IQSEC1: variants seen among roughly 807,000 people sequenced by gnomAD.
The protein encoded by IQSEC1 is IQ motif and SEC7 domain-containing protein 1.
A neutral mutation model predicts 91.0 loss-of-function variants in IQSEC1; 31 were observed. That is an observed-to-expected ratio of 0.34 (90% confidence interval 0.26 to 0.46). The LOEUF (loss-of-function observed/expected upper bound fraction) is 0.46, where lower values mean the gene tolerates loss of function less well. Ranked by LOEUF, IQSEC1 falls within the 20% of genes least tolerant of loss-of-function variation. IQSEC1 has a pLI of 1.00. For missense variants in IQSEC1, 1,388 were observed against 1,575.6 expected (o/e 0.88, Z 2.02); for synonymous variants, 699 against 662.6 (o/e 1.05, Z -0.84).
chr3:13,250,122 T>G (rs1481118057), intron 1 of IQSEC1, among the ~76,000 whole-genome samples: 1 of 152,224 alleles, frequency 6.6e-6, no homozygotes, highest in African/African-American at 2.4e-5. Context: ...CATAACCTTC[T>G]TAGCCTTTCT....
intron 1 of IQSEC1, among the ~76,000 whole-genome samples, chr3:12,963,213 T>G (rs539333397): frequency 6.6e-6 from 1 of 152,384 alleles, no homozygotes; most frequent in Admixed American, 6.5e-5. Flanking sequence ...GCTATGGTTC[T>G]CCATCGGGAC....
intron 1 of IQSEC1, among the ~76,000 whole-genome samples, chr3:12,976,179 C>G (rs771768624): frequency 2.0e-5 from 3 of 152,252 alleles, no homozygotes; most frequent in Non-Finnish European, 4.4e-5. Context: ...CACCACTCCC[C>G]GCTCCCTTTG....
chr3:13,226,305 T>C (rs1042027925), intron 1 of IQSEC1, among the ~76,000 whole-genome samples: 1 of 152,250 alleles, frequency 6.6e-6, no homozygotes, highest in Non-Finnish European at 1.5e-5. Flanking sequence ...CCTGTGTTAG[T>C]TACCTAATCT....
At chr3:13,266,091 G>A (rs1455867938) in intron 1 of IQSEC1, among the ~76,000 whole-genome samples, 1 of 151,644 alleles carries the variant, frequency 6.6e-6, no homozygotes. Flanking sequence ...CCACACCCCC[G>A]GCACTGGCTA....
rs187013920 is a variant in IQSEC1, at chr3:12,922,341, C to A, written c.1731-99G>T. The A allele has an allele frequency of 1.4e-6, 2 of 1,384,874 alleles. No individual in the cohort carries two copies. Among genetic ancestry groups the A allele is most frequent in the South Asian group, 1.6e-5 (1 of 62,208 alleles). 85.8% of individuals were successfully genotyped at this position (1,384,874 alleles called of 1,614,324 possible). A position where few individuals can be genotyped will look rare whatever the true frequency, so the allele number is the denominator to read the frequency against. On this transcript the variant is annotated intron_variant, in intron 4 of 13. Transcript: ENST00000613206. This position sits in a 1 kb window ranked among gnomAD's most constrained non-coding sequence, Gnocchi z 5.1. ...GGTGCCTGAAGCCCTGGGAATGGAC[C>A]GCCTCCTGGCAGGGAGAGCCCCTGC... is the stretch of plus-strand genomic sequence containing the variant.
At chr3:13,194,639 C>T (rs2125039820) in intron 1 of IQSEC1, among the ~76,000 whole-genome samples, 1 of 152,276 alleles carries the variant, frequency 6.6e-6, no homozygotes, top group East Asian at 1.9e-4. Flanking sequence ...GGGTGCCCAC[C>T]CAGAAACCCC....
At chr3:13,190,370 G>A (rs1051226521) in intron 1 of IQSEC1, among the ~76,000 whole-genome samples, 1 of 152,064 alleles carries the variant, frequency 6.6e-6, no homozygotes, top group Non-Finnish European at 1.5e-5. Context: ...CCAGGGGTTC[G>A]AGACTGGGTT....
At chr3:13,072,841 G>A in intron 1 of IQSEC1, 151 bp downstream of exon 1, 2 of 667,326 alleles carry the variant, frequency 3.0e-6, no homozygotes, top group Admixed American at 2.4e-5. Context: ...GGGGCCGAGC[G>A]CCGGCATCCC....
chr3:13,176,039 A>G (rs1327040018), intron 1 of IQSEC1, among the ~76,000 whole-genome samples: 2 of 152,246 alleles, frequency 1.3e-5, no homozygotes, highest in Non-Finnish European at 2.9e-5. Flanking sequence ...TGGTTGGGTC[A>G]TGATAGACAT....
chr3:13,058,163 C>A (rs1704940446), intron 1 of IQSEC1, among the ~76,000 whole-genome samples: 1 of 152,184 alleles, frequency 6.6e-6, no homozygotes, highest in Non-Finnish European at 1.5e-5. Flanking sequence ...ATCCCAGCAA[C>A]TCAGGAGGCT....
At chr3:13,119,271 C>T (rs1011313150) in intron 2 of IQSEC1, among the ~76,000 whole-genome samples, 1 of 152,160 alleles carries the variant, frequency 6.6e-6, no homozygotes, top group Non-Finnish European at 1.5e-5. Flanking sequence ...AGGAAATTGT[C>T]TCTCCAACTC....
intron 2 of IQSEC1, among the ~76,000 whole-genome samples, chr3:13,099,833 G>A (rs1405289430): frequency 6.7e-6 from 1 of 150,058 alleles, no homozygotes; most frequent in Non-Finnish European, 1.5e-5. Context: ...GGGGGCAGTT[G>A]CACCTCAGCA....
At chr3:13,190,172 C>T (rs549739976) in intron 1 of IQSEC1, among the ~76,000 whole-genome samples, 40 of 152,326 alleles carry the variant, frequency 2.6e-4, no homozygotes, top group African/African-American at 8.7e-4. Flanking sequence ...AACCCTCCCC[C>T]CAACCCCAGA....
At chr3:13,054,260 T>C (rs1209659635) in intron 1 of IQSEC1, among the ~76,000 whole-genome samples, 1 of 152,202 alleles carries the variant, frequency 6.6e-6, no homozygotes, top group Admixed American at 6.5e-5. Flanking sequence ...GGATGTTTTT[T>C]GGGCTATGGG....
In IQSEC1 at chr3:12,901,166, G is replaced by C; in HGVS notation, c.3162C>G (p.His1054Gln). 6.5e-7 allele frequency: 1 copy of C among 1,542,890 alleles called. No individual in the cohort carries two copies. Among genetic ancestry groups the C allele is most frequent in the Non-Finnish European group, 8.7e-7 (1 of 1,143,280 alleles). Residue 1054 changes from histidine (H) to glutamine (Q), a missense_variant, in exon 14 of 14, where the codon CAC (histidine) becomes CAG (glutamine). Physicochemically the swap from His to Gln is conservative, Grantham distance 24. Coordinates refer to ENST00000613206, the MANE Select transcript of IQSEC1 (RefSeq NM_001134382.3). ...GGGGGCCGTGGTGGTACTGGTGTGC[G>C]TGCTGGATGTGCTGGGGTGGGTGGT... ...HHHHPPQHIQ[H>Q]AHQYHHGPHG...
chr3:13,264,060 A>G (rs765911224), intron 1 of IQSEC1, among the ~76,000 whole-genome samples: 37 of 152,330 alleles, frequency 2.4e-4, no homozygotes, highest in Non-Finnish European at 4.9e-4. Context: ...TGGAGTGGAT[A>G]TAAATAGCCT....
rs1231267179 is a variant in IQSEC1 at position 13,096,193 on chromosome 3, G to A, written c.303-48671C>T. Among the ~76,000 whole-genome samples, 13 of 152,158 alleles carry A rather than the reference G, an allele frequency of 8.5e-5. No individual in the cohort carries two copies. The South Asian group carries it at 1.0e-3, about 12-fold the overall frequency. On this transcript the variant is annotated intron_variant, in intron 2 of 15. Transcript: ENST00000648114. The stretch of plus-strand genomic sequence containing the variant: ...TTTTTCTTCTCATTCATTCAGACAC[G>A]TATTGAGCACCTAGTGTGTACCAAG...
chr3:13,209,568 T>C (rs550674469), intron 1 of IQSEC1, among the ~76,000 whole-genome samples: 1 of 152,084 alleles, frequency 6.6e-6, no homozygotes, highest in Non-Finnish European at 1.5e-5. Context: ...CCCCATGCCC[T>C]CCCTGCCCTC....
chr3:13,175,967 C>A (rs1388335539), intron 1 of IQSEC1, among the ~76,000 whole-genome samples: 2 of 152,264 alleles, frequency 1.3e-5, no homozygotes, highest in Admixed American at 6.5e-5. Flanking sequence ...GCTGGGGGCA[C>A]ACAAGCACCC....
Sources: gnomAD v4.1 joint callset for allele counts (sites outside exome capture counted in the v4.1 genomes callset) on GRCh38, gnomAD v4.1.1 for gene constraint, Gnocchi (gnomAD v3.1) non-coding constraint, MANE v1.5 for transcripts, NCBI Gene and HGNC (gene_info 2026-07-23, HGNC 2026-07-21) for gene names.